The following XPA variants were observed in gnomAD, a reference collection of about 807,000 sequenced individuals.
XPA encodes XPA, DNA damage recognition and repair factor.
A neutral mutation model predicts 35.7 loss-of-function variants in XPA; 27 were observed. That is an observed-to-expected ratio of 0.76 (90% CI 0.56 to 1.04). XPA has a LOEUF of 1.04. Ranked by LOEUF, XPA falls within the 50% of genes least tolerant of loss-of-function variation. XPA has a pLI of 0.00. For synonymous variants in XPA, 133 were observed against 118.4 expected, an observed-to-expected ratio of 1.12 and a Z score of -0.80; for missense variants, 354 against 342.7, an observed-to-expected ratio of 1.03 and a Z score of -0.26.
At chr9:97,675,931 C>T (rs895344049) in intron 5 of XPA, 4 of 278,866 alleles carry the variant, frequency 1.4e-5, no homozygotes, top group African/African-American at 8.8e-5. Context: ...CTTCAGATAA[C>T]AGAATGCCAC....
At chr9:97,670,303 T>C (rs116982780), downstream of XPA, among the ~76,000 whole-genome samples, 2,087 of 152,242 alleles carry the variant, frequency 0.014, 101 homozygotes, top group East Asian at 0.12. Context: ...GTAATTGGAT[T>C]TATAAGTCCC....
At chr9:97,680,313 A>G (rs1435229440) in intron 5 of XPA, among the ~76,000 whole-genome samples, 3 of 152,106 alleles carry the variant, frequency 2.0e-5, no homozygotes, top group Non-Finnish European at 2.9e-5. Flanking sequence ...GGTTCAAGCA[A>G]TTCTCTTGCC....
chr9:97,674,596 A>G (rs1475309095), downstream of XPA, among the ~76,000 whole-genome samples: 2 of 152,122 alleles, frequency 1.3e-5, no homozygotes, highest in African/African-American at 2.4e-5. Context: ...AAATTTCACT[A>G]AAGTTGATGC....
intron 2 of XPA, among the ~76,000 whole-genome samples, chr9:97,691,957 G>A (rs1423602302): frequency 6.7e-6 from 1 of 149,714 alleles, no homozygotes; most frequent in Non-Finnish European, 1.5e-5. Context: ...TAGGCTGAAT[G>A]CTCCAACTCT....
At chr9:97,682,260 G>A in intron 5 of XPA, 2 of 517,974 alleles carry the variant, frequency 3.9e-6, no homozygotes, top group South Asian at 1.4e-5. Context: ...AAGACCAAGA[G>A]GAACCAGGTT....
At chr9:97,677,739 G>C (rs1828411779) in intron 5 of XPA, among the ~76,000 whole-genome samples, 1 of 147,944 alleles carries the variant, frequency 6.8e-6, no homozygotes, top group African/African-American at 2.7e-5. Flanking sequence ...AAAATGGATA[G>C]GTTTGGGTTT....
chr9:97,674,911 A>C lies in XPA; in HGVS notation c.*528T>G. 1 of 503,416 alleles carries C rather than the reference A, an allele frequency of 2.0e-6. No homozygotes were observed. The highest frequency in any genetic ancestry group is 3.9e-6 in the Non-Finnish European group (1 of 256,206). 31.2% of individuals were successfully genotyped at this position (503,416 alleles called of 1,614,324 possible). ...CCCCAAGAGTACAGAAAACATGATC[A>C]GACTCGTACAACTCAATGTTTATTT... is the stretch of plus-strand genomic sequence containing the variant. On this transcript the variant is annotated 3_prime_UTR_variant, in exon 6 of 6. Transcript: ENST00000375128.
At chr9:97,663,921 G>A in the XPA span, among the ~76,000 whole-genome samples, 1 of 151,966 alleles carries the variant, frequency 6.6e-6, no homozygotes, top group African/African-American at 2.4e-5. Context: ...GCTCTTACCT[G>A]TAATCCTAGC....
the XPA span, chr9:97,658,830 C>T: frequency 9.5e-7 from 1 of 1,052,034 alleles, no homozygotes; most frequent in African/African-American, 1.6e-5. Context: ...AGAAATTGAA[C>T]TTTTTCTTTT....
At chr9:97,654,764 G>A in the XPA span, 1 of 898,520 alleles carries the variant, frequency 1.1e-6, no homozygotes, top group South Asian at 1.5e-5. Flanking sequence ...TGTGTGAAAA[G>A]ATGTTCAGCA....
the XPA span, chr9:97,664,245 C>A: frequency 1.4e-6 from 1 of 698,580 alleles, no homozygotes; most frequent in East Asian, 2.8e-5. Context: ...ATTTTATAGC[C>A]CTCCTATTTT....
At chr9:97,666,733 T>C in the XPA span, 1 of 1,409,304 alleles carries the variant, frequency 7.1e-7, no homozygotes, top group Non-Finnish European at 9.8e-7. Flanking sequence ...TAGCTTGACA[T>C]ACAGTAACCA....
chr9:97,681,018 C>G (rs762710499), intron 5 of XPA, among the ~76,000 whole-genome samples: 12 of 152,164 alleles, frequency 7.9e-5, no homozygotes, highest in Non-Finnish European at 1.6e-4. Flanking sequence ...TCAGTGTAAG[C>G]AGTCTTGTTA....
downstream of XPA, among the ~76,000 whole-genome samples, chr9:97,674,262 A>C (rs917270904): frequency 6.6e-6 from 1 of 152,122 alleles, no homozygotes; most frequent in Non-Finnish European, 1.5e-5. Flanking sequence ...ATCAATTTTT[A>C]CTAAGCTGTA....
At chr9:97,692,300 A>T (rs1290169746) in intron 2 of XPA, among the ~76,000 whole-genome samples, 1 of 152,162 alleles carries the variant, frequency 6.6e-6, no homozygotes, top group Non-Finnish European at 1.5e-5. Flanking sequence ...TCAAAGAAAA[A>T]AAAAAGAAAA....
At chr9:97,655,151 CTCTAG>C in the XPA span, among the ~76,000 whole-genome samples, 1 of 152,066 alleles carries the variant, frequency 6.6e-6, no homozygotes, top group East Asian at 1.9e-4. Flanking sequence ...TAATTTCATT[CTCTAG>C]TCAAGTATCA....
At chr9:97,675,803 C>CT in intron 5 of XPA, 2 of 608,738 alleles carry the variant, frequency 3.3e-6, no homozygotes, top group Non-Finnish European at 5.8e-6. Context: ...CAAGTTGTCA[C>CT]TGGAGCAGTG....
the XPA span, among the ~76,000 whole-genome samples, chr9:97,666,095 A>G: frequency 6.6e-6 from 1 of 152,218 alleles, no homozygotes; most frequent in East Asian, 1.9e-4. Flanking sequence ...CAACTGTACT[A>G]TTCTGTGCTG....
At chr9:97,668,680 C>T in the XPA span, among the ~76,000 whole-genome samples, 1 of 151,450 alleles carries the variant, frequency 6.6e-6, no homozygotes, top group African/African-American at 2.4e-5. Flanking sequence ...TGAACCACAA[C>T]AGGACTTTGA....
Sources: allele counts gnomAD v4.1 joint callset (sites outside exome capture counted in the v4.1 genomes callset), GRCh38; gene constraint gnomAD v4.1.1; transcripts MANE v1.5; gene names NCBI Gene and HGNC (gene_info 2026-07-23, HGNC 2026-07-21).